Variants in ZNF385A observed in about 807,000 individuals in gnomAD.
ZNF385A encodes the protein zinc finger protein 385A, also known as hematopoietic zinc finger protein.
In ZNF385A, 14 loss-of-function variants were observed where a neutral mutation model predicts 32.1. The ratio of observed to expected loss-of-function variants is 0.44; its 90% CI spans 0.29 to 0.68. The LOEUF is 0.68. Ranked by LOEUF, ZNF385A falls within the 30% of genes least tolerant of loss-of-function variation. The probability of loss-of-function intolerance (pLI) is 0.14; values close to 1 mark genes in which losing one functional copy is unlikely to be tolerated. For synonymous variants in ZNF385A, 197 were observed against 202.7 expected (o/e 0.97, Z 0.24); for missense variants, 406 against 478.4 (o/e 0.85, Z 1.41).
In ZNF385A at chr12:54,384,546, C is replaced by A; in HGVS notation, c.-32G>T. The stretch of plus-strand genomic sequence containing the variant: ...GGGCTGCCGTAGCAGAGGCAGGGGC[C>A]CTGCCCGGCTCAGGCTGCCTGAAGG... On this transcript the variant is annotated 5_prime_UTR_variant, in exon 1 of 7. Coordinates refer to ENST00000394313, the MANE Select transcript of ZNF385A (RefSeq NM_015481.3). The A allele has an allele frequency of 6.7e-7, 1 of 1,488,824 alleles. No individual in the cohort carries two copies. Among genetic ancestry groups the A allele is most frequent in the Non-Finnish European group, 8.9e-7 (1 of 1,120,372 alleles). 92.2% of individuals were successfully genotyped at this position (1,488,824 alleles called of 1,614,324 possible).
intron 1 of ZNF385A, among the ~76,000 whole-genome samples, chr12:54,380,875 C>T (rs377190843): frequency 1.3e-5 from 2 of 152,032 alleles, no homozygotes; most frequent in Non-Finnish European, 2.9e-5. Context: ...TCAGCCTGGG[C>T]AACATGGCGA....
At chr12:54,371,193 G>T in intron 4 of ZNF385A, 97 bp from the exon 5 acceptor site, 6 of 1,371,122 alleles carry the variant, frequency 4.4e-6, no homozygotes, top group Non-Finnish European at 5.9e-6. Flanking sequence ...ATATGAGGGG[G>T]AAGAGGGTGG....
intron 1 of ZNF385A, chr12:54,379,325 T>A: frequency 2.5e-6 from 1 of 392,716 alleles, no homozygotes; most frequent in Non-Finnish European, 3.5e-6. Context: ...GAAAGGGGGC[T>A]AGGGCGGAAA....
Position 54,384,488 on chromosome 12 carries a change from C to A in ZNF385A, c.27G>T (p.Gln9His). The A allele has an allele frequency of 6.3e-7, 1 of 1,581,798 alleles. No homozygotes were observed. The highest frequency in any genetic ancestry group is 1.4e-5 in the African/African-American group (1 of 73,876). The change falls in exon 1 of 7, where the codon CAG (glutamine) becomes CAT (histidine). Residue 9 changes from glutamine (Q) to histidine (H), a missense_variant. Gln to His is a conservative substitution (Grantham distance 24, BLOSUM62 0). Coordinates refer to ENST00000394313, the MANE Select transcript of ZNF385A (RefSeq NM_015481.3). ...CTGGCTCGAGTGGGAAGGGCAGGAT[C>A]TGCTTGAGGTCCAGTGGGGGCTGCA... MQPPLDLKQILPFPLEPAP... is the reference protein window; with the variant it reads MQPPLDLKHILPFPLEPAP...
At chr12:54,384,764 A>G (rs2605491), upstream of ZNF385A, 2,660 of 1,257,804 alleles carry the variant, frequency 2.1e-3, 46 homozygotes, top group African/African-American at 0.037. Context: ...GGTGTAGACC[A>G]GTCCTTCCCT....
intron 4 of ZNF385A, 60 bp from the exon 5 acceptor site, chr12:54,371,156 G>A (rs1409337190): frequency 1.3e-6 from 2 of 1,509,390 alleles, no homozygotes; most frequent in Non-Finnish European, 1.8e-6. Context: ...GGCCTACTGG[G>A]CCTCAGAATG....
At chr12:54,391,115 A>C in intron 1 of ZNF385A, 4 of 1,007,134 alleles carry the variant, frequency 4.0e-6, no homozygotes, top group Non-Finnish European at 5.6e-6. Flanking sequence ...GGGAGGGGGA[A>C]CCGGTCGCTG....
chr12:54,375,813 C>T (rs1954819630), intron 2 of ZNF385A, 31 bp downstream of exon 2: 1 of 1,598,498 alleles, frequency 6.3e-7, no homozygotes, highest in South Asian at 1.1e-5. Flanking sequence ...CTGCCCCACC[C>T]ACTGGGTAGA....
intron 2 of ZNF385A, 35 bp downstream of exon 2, chr12:54,375,809 C>T (rs753604521): frequency 6.3e-7 from 1 of 1,591,238 alleles, no homozygotes; most frequent in Non-Finnish European, 8.6e-7. Context: ...GCCCCTGCCC[C>T]ACCCACTGGG....
At position 54,370,797 on chromosome 12, in the gene ZNF385A, G is replaced by A; in HGVS notation, c.775-76C>T. ...GCGAGGGAGTATAATCAAGCTCCAA[G>A]CACCGGCCCCCTCCCATCTGGCCCC... is the stretch of plus-strand genomic sequence containing the variant. On this transcript the variant is annotated intron_variant, in intron 5 of 6. Transcript: ENST00000394313. The surrounding 1 kb of genome is among the most constrained non-coding windows in gnomAD (Gnocchi z 5.5). 6.3e-7 allele frequency: 1 copy of A among 1,590,176 alleles called. No individual in the cohort carries two copies. Among genetic ancestry groups the A allele is most frequent in the African/African-American group, 1.3e-5 (1 of 74,684 alleles).
intron 2 of ZNF385A, among the ~76,000 whole-genome samples, chr12:54,374,994 G>T (rs1479481166): frequency 2.0e-5 from 3 of 152,134 alleles, no homozygotes; most frequent in Non-Finnish European, 4.4e-5. Flanking sequence ...AGAAATAAAA[G>T]GTGTGGATAG....
At chr12:54,384,793 C>A (rs1019119517), upstream of ZNF385A, 4 of 1,234,564 alleles carry the variant, frequency 3.2e-6, no homozygotes, top group Admixed American at 7.9e-5. Flanking sequence ...GTTTTCACTT[C>A]CCCCTTTTCC....
chr12:54,376,167 T>C (rs1423598376), intron 1 of ZNF385A, among the ~76,000 whole-genome samples: 1 of 152,150 alleles, frequency 6.6e-6, no homozygotes, highest in Non-Finnish European at 1.5e-5. Flanking sequence ...AATGCTCCCA[T>C]TTTACAGGAC....
Position 54,369,918 on chromosome 12 carries a change from A to C in ZNF385A, c.*338T>G. On this transcript the variant is annotated 3_prime_UTR_variant, in exon 7 of 7. Coordinates refer to ENST00000394313, the MANE Select transcript of ZNF385A (RefSeq NM_015481.3). ...CCCGGACCCCGACCATGGCTTGTGA[A>C]CCCCGTTTTGTGCTAGGTTTGGGGG... 4.2e-6 allele frequency: 1 copy of C among 237,772 alleles called. No individual in the cohort carries two copies. The highest frequency in any genetic ancestry group is 8.1e-6 in the Non-Finnish European group (1 of 123,866). The allele number at this position is 237,772 out of a possible 1,614,324, so 14.7% of individuals were successfully genotyped here.
At chr12:54,385,531 C>T, upstream of ZNF385A, 1 of 612,316 alleles carries the variant, frequency 1.6e-6, no homozygotes, top group Non-Finnish European at 2.0e-6. Flanking sequence ...GCTCCAGTAA[C>T]CCCCTGACAG....
intron 2 of ZNF385A, among the ~76,000 whole-genome samples, chr12:54,374,662 G>C (rs542646533): frequency 1.3e-5 from 2 of 152,306 alleles, no homozygotes; most frequent in South Asian, 4.1e-4. Flanking sequence ...ACACCCTGGA[G>C]GACCCTGGCC....
chr12:54,375,697 A>G, intron 2 of ZNF385A, 147 bp downstream of exon 2: 1 of 686,186 alleles, frequency 1.5e-6, no homozygotes, highest in Non-Finnish European at 2.6e-6. Context: ...CTCCTGCGGT[A>G]TCCCCATTCC....
At chr12:54,388,422 GGTCT>G (rs1175775376), upstream of ZNF385A, among the ~76,000 whole-genome samples, 1 of 152,170 alleles carries the variant, frequency 6.6e-6, no homozygotes, top group African/African-American at 2.4e-5. Flanking sequence ...ATTCGGGCCT[GGTCT>G]GGAGCCCCAG....
chr12:54,384,890 G>A (rs932920170), upstream of ZNF385A: 12 of 1,076,636 alleles, frequency 1.1e-5, no homozygotes, highest in Non-Finnish European at 1.3e-5. Context: ...GAACCAGCAG[G>A]ACTCCCAGCC....
Sources: allele counts gnomAD v4.1 joint callset (sites outside exome capture counted in the v4.1 genomes callset), GRCh38; gene constraint gnomAD v4.1.1; non-coding constraint Gnocchi (gnomAD v3.1); transcripts MANE v1.5; gene names NCBI Gene and HGNC (gene_info 2026-07-23, HGNC 2026-07-21).